The following KLHL4 variants were observed in gnomAD, a reference collection of about 807,000 sequenced individuals.
KLHL4 encodes the protein kelch like family member 4.
A neutral mutation model predicts 45.8 loss-of-function variants in KLHL4; 17 were observed. The observed-to-expected ratio is 0.37, with a 90% CI of 0.25 to 0.56. The LOEUF (loss-of-function observed/expected upper bound fraction) is 0.56, where lower values mean the gene tolerates loss of function less well. Among genes scored for constraint, KLHL4 ranks in the 20% least tolerant of loss-of-function variants. The pLI, the probability that KLHL4 is intolerant of heterozygous loss-of-function variation, is 0.79. For missense variants in KLHL4, 544 were observed against 544.9 expected (o/e 1.00, Z 0.02); for synonymous variants, 224 against 189.9 (o/e 1.18, Z -1.47).
intron 9 of KLHL4, among the ~76,000 whole-genome samples, chrX:87,645,280 G>A (rs928938132): frequency 2.7e-5 from 3 of 111,719 alleles, no homozygotes; most frequent in African/African-American, 9.8e-5. Context: ...TATACAAATG[G>A]CCAATAAACA....
At chrX:87,566,740 C>G (rs1377337314) in intron 1 of KLHL4, among the ~76,000 whole-genome samples, 2 of 111,322 alleles carry the variant, frequency 1.8e-5, no homozygotes, top group Admixed American at 9.5e-5. Flanking sequence ...TTTTACACAG[C>G]CACCAAGTGG....
At chrX:87,540,175 T>C (rs5969243) in intron 1 of KLHL4, among the ~76,000 whole-genome samples, 26,015 of 110,493 alleles carry the variant, frequency 0.24, 2,649 homozygotes, top group East Asian at 0.51. Flanking sequence ...GAGTTAGTGA[T>C]TGAGTGGTGA....
chrX:87,633,367 T>C (rs953236307), intron 7 of KLHL4, among the ~76,000 whole-genome samples: 1 of 112,230 alleles, frequency 8.9e-6, no homozygotes, highest in African/African-American at 3.2e-5. Context: ...AGTCAGCCTG[T>C]AATTCTAAGG....
rs1932006131 is a variant in KLHL4 at position 87,557,619 on chromosome X, T to A, written c.422+39304T>A. 3.7e-5 allele frequency among the ~76,000 whole-genome samples: 4 copies of A among 107,358 alleles called. No homozygotes were observed. In the South Asian group the frequency reaches 1.5e-3, roughly 40 times the overall value. 93.2% of individuals were successfully genotyped at this position (107,358 alleles called of 115,157 possible). On this transcript the variant is annotated intron_variant, in intron 1 of 10. Transcript: ENST00000373119. ...CTTACCAACCTAAAATGTTTATTAT[T>A]TTTTTTGCTTCAATCTTCTGTTTTA...
chrX:87,522,056 AG>A (rs1931013604), intron 1 of KLHL4, among the ~76,000 whole-genome samples: 1 of 112,790 alleles, frequency 8.9e-6, no homozygotes, highest in South Asian at 3.6e-4. Context: ...AATGTATTGT[AG>A]GTCTTCATCC....
At chrX:87,577,489 T>C in intron 1 of KLHL4, among the ~76,000 whole-genome samples, 1 of 111,973 alleles carries the variant, frequency 8.9e-6, no homozygotes, top group Non-Finnish European at 1.9e-5. Flanking sequence ...TCTCAAACAG[T>C]TGTTGACTGA....
At chrX:87,591,187 T>C (rs1358780992) in intron 1 of KLHL4, among the ~76,000 whole-genome samples, 1 of 112,095 alleles carries the variant, frequency 8.9e-6, no homozygotes, top group East Asian at 2.8e-4. Flanking sequence ...TTCTATCTAA[T>C]ATCTTATAGT....
At chrX:87,649,696 T>A (rs1350452363) in intron 9 of KLHL4, among the ~76,000 whole-genome samples, 2 of 111,926 alleles carry the variant, frequency 1.8e-5, no homozygotes, top group African/African-American at 3.2e-5. Flanking sequence ...TTGTTCTTTA[T>A]TGAGTAAAGA....
intron 1 of KLHL4, among the ~76,000 whole-genome samples, chrX:87,596,302 T>G (rs1030200924): frequency 8.9e-6 from 1 of 112,377 alleles, no homozygotes; most frequent in African/African-American, 3.2e-5. Context: ...CAATGTTTCC[T>G]TTCCATGTTC....
At chrX:87,636,145 C>G in intron 9 of KLHL4, among the ~76,000 whole-genome samples, 1 of 112,168 alleles carries the variant, frequency 8.9e-6, no homozygotes, top group Non-Finnish European at 1.9e-5. Context: ...TTCTCTTAGA[C>G]TAAAAATATA....
Position 87,618,139 on chromosome X carries a change from T to C in KLHL4, c.924+11T>C, listed in dbSNP as rs370844264. 718 of 1,136,469 alleles carry C rather than the reference T, an allele frequency of 6.3e-4. 1 individual carries two copies. The highest frequency in any genetic ancestry group is 2.0e-3 in the Admixed American group (82 of 41,105). The allele number at this position is 1,136,469 out of a possible 1,213,427, so 93.7% of individuals were successfully genotyped here. On this transcript the variant is annotated intron_variant, in intron 4 of 10. Transcript: ENST00000373119. The stretch of plus-strand genomic sequence containing the variant: ...CACAAATACACTATGGTAAAATCAA[T>C]TGCTTCAACTGAACTTGTAGTAAAA...
intron 9 of KLHL4, among the ~76,000 whole-genome samples, chrX:87,653,261 C>G (rs1923877853): frequency 8.9e-6 from 1 of 111,790 alleles, no homozygotes; most frequent in East Asian, 2.8e-4. Flanking sequence ...ATATGGGTAG[C>G]CAGTTCTTCC....
intron 10 of KLHL4, among the ~76,000 whole-genome samples, chrX:87,665,863 C>T (rs1465674642): frequency 9.0e-6 from 1 of 111,235 alleles, no homozygotes; most frequent in Non-Finnish European, 1.9e-5. Context: ...TAATCTGATT[C>T]ATTAAGACTC....
chrX:87,570,459 T>C (rs886373148), intron 1 of KLHL4, among the ~76,000 whole-genome samples: 4 of 110,619 alleles, frequency 3.6e-5, no homozygotes, highest in African/African-American at 1.3e-4. Flanking sequence ...AGAAGTATAC[T>C]GAGAATGACC....
chrX:87,563,118 A>G (rs1036961069), intron 1 of KLHL4, among the ~76,000 whole-genome samples: 2 of 111,029 alleles, frequency 1.8e-5, no homozygotes, highest in Non-Finnish European at 3.8e-5. Context: ...ACAATGCTCA[A>G]TTCCCTTTGA....
At chrX:87,528,769 C>A (rs1483138234) in intron 1 of KLHL4, among the ~76,000 whole-genome samples, 2 of 82,899 alleles carry the variant, frequency 2.4e-5, no homozygotes, top group Admixed American at 2.6e-4. Flanking sequence ...GAGAAAGTCA[C>A]AGAAAACCTG....
intron 9 of KLHL4, among the ~76,000 whole-genome samples, chrX:87,655,308 A>G (rs1032960622): frequency 8.9e-6 from 1 of 111,852 alleles, no homozygotes; most frequent in African/African-American, 3.3e-5. Context: ...CCCCACTATT[A>G]TTGCATTGCT....
At chrX:87,592,123 A>G (rs111935939) in intron 1 of KLHL4, among the ~76,000 whole-genome samples, 36 of 110,770 alleles carry the variant, frequency 3.2e-4, no homozygotes, top group Non-Finnish European at 6.2e-4. Flanking sequence ...TTGTTTTACT[A>G]TGCCTGGCTT....
chrX:87,635,923 A>T, intron 9 of KLHL4, 148 bp downstream of exon 9: 1 of 389,083 alleles, frequency 2.6e-6, no homozygotes, highest in South Asian at 7.8e-5. Flanking sequence ...ATCTAGGGAG[A>T]ACAAGTCCTT....
Sources: allele counts gnomAD v4.1 joint callset (sites outside exome capture counted in the v4.1 genomes callset), GRCh38; gene constraint gnomAD v4.1.1; transcripts MANE v1.5; gene names NCBI Gene and HGNC (gene_info 2026-07-23, HGNC 2026-07-21).